NALF1: variants seen among roughly 807,000 people sequenced by gnomAD.
NALF1 encodes NALCN channel auxiliary factor 1, also known as family with sequence similarity 155 member A.
NALF1 carries 3 observed loss-of-function variants against 48.4 expected under a neutral mutation model. That is an observed-to-expected ratio of 0.06 (90% confidence interval 0.03 to 0.16). The LOEUF (loss-of-function observed/expected upper bound fraction) is 0.16. Ranked by LOEUF, NALF1 falls within the 10% of genes least tolerant of loss-of-function variation. The pLI, the probability that NALF1 is intolerant of heterozygous loss-of-function variation, is 1.00. For synonymous variants in NALF1, 262 were observed against 245.7 expected, an observed-to-expected ratio of 1.07 and a Z score of -0.62; for missense variants, 526 against 571.5, an observed-to-expected ratio of 0.92 and a Z score of 0.81.
chr13:107,864,438 C>T (rs971470840), intron 1 of NALF1, among the ~76,000 whole-genome samples: 1 of 152,168 alleles, frequency 6.6e-6, no homozygotes, highest in Non-Finnish European at 1.5e-5. Context: ...TCAAAAAAAT[C>T]ACAAAATTAT....
intron 1 of NALF1, among the ~76,000 whole-genome samples, chr13:107,613,000 G>GAAAAAAA (rs34831534): frequency 1.4e-5 from 2 of 144,758 alleles, no homozygotes; most frequent in African/African-American, 2.6e-5. Context: ...TTCCCACAAT[G>GAAAAAAA]AGAAAAAAAA....
chr13:107,769,671 C>G (rs1025183974), intron 1 of NALF1, among the ~76,000 whole-genome samples: 2 of 131,400 alleles, frequency 1.5e-5, no homozygotes, highest in African/African-American at 5.6e-5. Flanking sequence ...GCACATGTAC[C>G]CTAAAACTTA....
At chr13:107,767,281 T>C (rs1877442433) in intron 1 of NALF1, among the ~76,000 whole-genome samples, 2 of 152,232 alleles carry the variant, frequency 1.3e-5, no homozygotes, top group Admixed American at 1.3e-4. Context: ...ATAATTGGCT[T>C]GTCACTTCCT....
chr13:107,769,087 TG>T (rs1277476694), intron 1 of NALF1, among the ~76,000 whole-genome samples: 1 of 148,956 alleles, frequency 6.7e-6, no homozygotes, highest in Non-Finnish European at 1.5e-5. Flanking sequence ...TTTACACTGT[TG>T]GTGGGACTGT....
intron 1 of NALF1, among the ~76,000 whole-genome samples, chr13:107,311,603 C>T (rs1386343839): frequency 1.3e-5 from 2 of 151,266 alleles, no homozygotes; most frequent in African/African-American, 4.8e-5. Context: ...TAAATCATCA[C>T]AATAGAGTTT....
At chr13:107,489,707 A>G (rs1179675836) in intron 1 of NALF1, among the ~76,000 whole-genome samples, 3 of 152,206 alleles carry the variant, frequency 2.0e-5, no homozygotes, top group African/African-American at 7.2e-5. Flanking sequence ...GAACACAGGC[A>G]TGGGCAAAGA....
chr13:107,699,956 T>C (rs183693008), intron 1 of NALF1, among the ~76,000 whole-genome samples: 13 of 152,086 alleles, frequency 8.5e-5, no homozygotes, highest in Admixed American at 4.6e-4. Flanking sequence ...CTCAAGTAGG[T>C]AAAAGATTTG....
chr13:107,347,876 G>A (rs1030114183), intron 1 of NALF1, among the ~76,000 whole-genome samples: 28 of 152,300 alleles, frequency 1.8e-4, no homozygotes, highest in African/African-American at 5.5e-4. Context: ...TTTAAGATGC[G>A]TGGGTATCAT....
intron 1 of NALF1, among the ~76,000 whole-genome samples, chr13:107,381,962 C>T (rs1883447972): frequency 1.3e-5 from 2 of 152,150 alleles, no homozygotes; most frequent in African/African-American, 4.8e-5. Flanking sequence ...ACCACTCACC[C>T]TACTGCTCAG....
intron 1 of NALF1, among the ~76,000 whole-genome samples, chr13:107,413,944 G>A (rs1228670247): frequency 6.6e-6 from 1 of 151,914 alleles, no homozygotes; most frequent in African/African-American, 2.4e-5. Flanking sequence ...GCACCACCAC[G>A]CCCAGGTAAT....
At chr13:107,510,483 G>A (rs1875850810) in intron 1 of NALF1, among the ~76,000 whole-genome samples, 1 of 152,092 alleles carries the variant, frequency 6.6e-6, no homozygotes, top group Non-Finnish European at 1.5e-5. Flanking sequence ...GATTTCTAAG[G>A]CAGCACCAAA....
intron 1 of NALF1, among the ~76,000 whole-genome samples, chr13:107,214,759 C>T (rs964784548): frequency 6.6e-6 from 1 of 152,190 alleles, no homozygotes. Context: ...GAGCAGACTA[C>T]ACTAGAAAAA....
At chr13:107,792,427 C>T (rs1478392350) in intron 1 of NALF1, among the ~76,000 whole-genome samples, 1 of 152,080 alleles carries the variant, frequency 6.6e-6, no homozygotes, top group Non-Finnish European at 1.5e-5. Flanking sequence ...CACTTCTCCC[C>T]CACAAACAGA....
At chr13:107,618,641 C>T (rs1419987308) in intron 1 of NALF1, among the ~76,000 whole-genome samples, 3 of 152,026 alleles carry the variant, frequency 2.0e-5, no homozygotes, top group African/African-American at 7.2e-5. Flanking sequence ...ATTTGAGATG[C>T]AATTTGGAGG....
chr13:107,552,339 G>A (rs1877317230), intron 1 of NALF1, among the ~76,000 whole-genome samples: 1 of 152,076 alleles, frequency 6.6e-6, no homozygotes. Context: ...TATACCTCAT[G>A]GTTACTATTT....
At chr13:107,245,309 C>A (rs558803302) in intron 1 of NALF1, among the ~76,000 whole-genome samples, 1 of 152,268 alleles carries the variant, frequency 6.6e-6, no homozygotes, top group South Asian at 2.1e-4. Flanking sequence ...TTAAAATTTA[C>A]TTTTCACGAT....
rs149511475 is a variant in NALF1 at position 107,385,069 on chromosome 13, C to T, written c.916-174314G>A. ...TATATAATCAACATACGGTGGTGAC[C>T]AGTGGCTTTGGCACATATTAAGGAG... On this transcript the variant is annotated intron_variant, in intron 1 of 2. Coordinates refer to ENST00000375915, the MANE Select transcript of NALF1 (RefSeq NM_001080396.3). Among the ~76,000 whole-genome samples, 397 of 152,264 alleles carry T rather than the reference C, an allele frequency of 2.6e-3. 4 individuals are homozygous for T. The highest frequency in any genetic ancestry group is 8.6e-3 in the African/African-American group (357 of 41,566).
chr13:107,386,806 G>C (rs539459829), intron 1 of NALF1, among the ~76,000 whole-genome samples: 1 of 152,072 alleles, frequency 6.6e-6, no homozygotes, highest in African/African-American at 2.4e-5. Context: ...TTTCCATGCC[G>C]AGAGCTTAGA....
rs186753727 is a variant in NALF1, at chr13:107,726,991, T to C, written c.915+138691A>G. Reference sequence around the variant, plus strand: ...ATGAAGACTCCTTCTTTTGTATTTTTAGGAGAGACGGGGTTTCCCCATGTT... The same window carrying C: ...ATGAAGACTCCTTCTTTTGTATTTTCAGGAGAGACGGGGTTTCCCCATGTT... On this transcript the variant is annotated intron_variant, in intron 1 of 2. Coordinates refer to ENST00000375915, the MANE Select transcript of NALF1 (RefSeq NM_001080396.3). 5.2e-3 allele frequency among the ~76,000 whole-genome samples: 784 copies of C among 150,250 alleles called. 7 individuals carry two copies. Among genetic ancestry groups the C allele is most frequent in the Non-Finnish European group, 8.5e-3 (577 of 67,764 alleles).
Sources: gnomAD v4.1 joint callset for allele counts (sites outside exome capture counted in the v4.1 genomes callset) on GRCh38, gnomAD v4.1.1 for gene constraint, MANE v1.5 for transcripts, NCBI Gene and HGNC (gene_info 2026-07-23, HGNC 2026-07-21) for gene names.